Variants in CERS6 observed in about 807,000 individuals in gnomAD.
CERS6 encodes ceramide synthase 6.
In CERS6, 26 loss-of-function variants were observed where a neutral mutation model predicts 56.8. The ratio of observed to expected loss-of-function variants is 0.46; its 90% CI spans 0.34 to 0.63. CERS6 has a LOEUF of 0.63. Ranked by LOEUF, CERS6 falls within the 30% of genes least tolerant of loss-of-function variation. The pLI, the probability that CERS6 is intolerant of heterozygous loss-of-function variation, is 0.01. For missense variants in CERS6, 415 were observed against 467.5 expected (o/e 0.89, Z 1.04); for synonymous variants, 164 against 173.3 (o/e 0.95, Z 0.42).
intron 3 of CERS6, among the ~76,000 whole-genome samples, chr2:168,620,328 T>G (rs1043016476): frequency 2.6e-5 from 4 of 152,048 alleles, no homozygotes; most frequent in Non-Finnish European, 5.9e-5. Flanking sequence ...CAGTGTATAC[T>G]GCTTGGGTGA....
intron 1 of CERS6, among the ~76,000 whole-genome samples, chr2:168,506,086 C>G (rs1246019125): frequency 1.3e-5 from 2 of 152,144 alleles, no homozygotes; most frequent in Admixed American, 6.6e-5. Context: ...GAGAGGCGAT[C>G]AGATATGGAT....
intron 3 of CERS6, among the ~76,000 whole-genome samples, chr2:168,618,205 C>G (rs920713924): frequency 2.0e-5 from 3 of 152,088 alleles, no homozygotes; most frequent in Non-Finnish European, 4.4e-5. Flanking sequence ...AAACCCTTAG[C>G]AAAATTGGCA....
At chr2:168,635,148 T>C (rs1000740830) in intron 4 of CERS6, among the ~76,000 whole-genome samples, 45 of 152,214 alleles carry the variant, frequency 3.0e-4, no homozygotes, top group African/African-American at 1.1e-3. Flanking sequence ...CACTGAGGTA[T>C]AGTGGAGGTA....
intron 8 of CERS6, among the ~76,000 whole-genome samples, chr2:168,744,130 T>G (rs954614633): frequency 2.7e-4 from 40 of 150,272 alleles, no homozygotes; most frequent in South Asian, 2.1e-4. Flanking sequence ...CTCAGCCTCC[T>G]GAGTAGCTGG....
At chr2:168,565,661 G>T (rs79880845) in intron 3 of CERS6, among the ~76,000 whole-genome samples, 4,843 of 152,250 alleles carry the variant, frequency 0.032, 213 homozygotes, top group African/African-American at 0.099. Context: ...CCAATTTCTG[G>T]CACACACATT....
chr2:168,520,113 A>C (rs1326053444), intron 1 of CERS6, among the ~76,000 whole-genome samples: 2 of 152,158 alleles, frequency 1.3e-5, no homozygotes, highest in Non-Finnish European at 2.9e-5. Context: ...ATTTTTTAAT[A>C]ATAGCCATTG....
chr2:168,606,445 A>T (rs1181659330), intron 3 of CERS6: 1 of 152,136 alleles, frequency 6.6e-6, no homozygotes, highest in Non-Finnish European at 1.5e-5. Context: ...GGGCCATGCT[A>T]ATGTTCTCTG....
intron 4 of CERS6, among the ~76,000 whole-genome samples, chr2:168,654,400 G>T (rs1163505702): frequency 2.6e-5 from 4 of 152,002 alleles, no homozygotes; most frequent in Admixed American, 2.0e-4. Flanking sequence ...AATTTTAGCT[G>T]GGCATGGTAG....
At chr2:168,726,013 C>T (rs1196976455) in intron 8 of CERS6, among the ~76,000 whole-genome samples, 1 of 152,182 alleles carries the variant, frequency 6.6e-6, no homozygotes, top group Non-Finnish European at 1.5e-5. Context: ...CTAACAATTT[C>T]CCGTAAAAGC....
In CERS6 at chr2:168,464,499, C is replaced by A. The variant is rs536651736; in HGVS notation, c.170+7881C>A. On this transcript the variant is annotated intron_variant, in intron 1 of 9. Coordinates refer to ENST00000305747, the MANE Select transcript of CERS6 (RefSeq NM_203463.3). ...TTTATTTCTTCCTCCCGACTCTTCC[C>A]CACATGCTAAGTCACTATCATCAGG... is the stretch of plus-strand genomic sequence containing the variant. 3.3e-5 allele frequency among the ~76,000 whole-genome samples: 5 copies of A among 152,146 alleles called. No individual in the cohort carries two copies. In the South Asian group the frequency reaches 1.0e-3, roughly 32 times the overall value.
intron 6 of CERS6, among the ~76,000 whole-genome samples, chr2:168,705,299 C>T (rs116666086): frequency 3.3e-5 from 5 of 152,112 alleles, no homozygotes; most frequent in African/African-American, 2.4e-5. Flanking sequence ...AATAGGAATT[C>T]ACCAGGTAGT....
intron 4 of CERS6, among the ~76,000 whole-genome samples, chr2:168,646,831 A>G (rs140349886): frequency 4.8e-4 from 73 of 152,214 alleles, no homozygotes; most frequent in Non-Finnish European, 8.7e-4. Context: ...GTCAAAGATC[A>G]GATGGTCGTA....
At chr2:168,494,317 G>A (rs1324174828) in intron 1 of CERS6, among the ~76,000 whole-genome samples, 1 of 152,132 alleles carries the variant, frequency 6.6e-6, no homozygotes, top group Non-Finnish European at 1.5e-5. Flanking sequence ...TTAAGAGCCC[G>A]AACTCTGGAC....
chr2:168,550,078 G>A (rs1695538899), intron 2 of CERS6, among the ~76,000 whole-genome samples: 1 of 152,106 alleles, frequency 6.6e-6, no homozygotes, highest in African/African-American at 2.4e-5. Context: ...GGGACCCCTT[G>A]TTCAAAAAGC....
intron 3 of CERS6, among the ~76,000 whole-genome samples, chr2:168,624,306 A>T (rs541954544): frequency 6.6e-6 from 1 of 152,266 alleles, no homozygotes; most frequent in South Asian, 2.1e-4. Flanking sequence ...AATGGTATTT[A>T]TAGTCAAAAT....
At chr2:168,697,061 T>C (rs1362960545) in intron 6 of CERS6, among the ~76,000 whole-genome samples, 1 of 152,202 alleles carries the variant, frequency 6.6e-6, no homozygotes, top group Non-Finnish European at 1.5e-5. Flanking sequence ...GAAAAGCGTT[T>C]AGGAGTCTGT....
intron 8 of CERS6, among the ~76,000 whole-genome samples, chr2:168,722,682 C>T (rs1033032619): frequency 3.3e-5 from 5 of 152,308 alleles, no homozygotes; most frequent in African/African-American, 1.2e-4. Flanking sequence ...GGCCTGCTTC[C>T]TAAGTTGACT....
At chr2:168,759,897 G>GTT (rs909749756) in intron 8 of CERS6, among the ~76,000 whole-genome samples, 1 of 149,666 alleles carries the variant, frequency 6.7e-6, no homozygotes, top group African/African-American at 2.5e-5. Context: ...CGTTGTGTGT[G>GTT]TTTTTTTTTG....
chr2:168,473,750 A>C (rs75139027), intron 1 of CERS6, among the ~76,000 whole-genome samples: 8,386 of 152,292 alleles, frequency 0.055, 336 homozygotes, highest in East Asian at 0.18. Flanking sequence ...ATAAAAAAAC[A>C]CACAGCCAGT....
Sources: gnomAD v4.1 joint callset for allele counts (sites outside exome capture counted in the v4.1 genomes callset) on GRCh38, gnomAD v4.1.1 for gene constraint, MANE v1.5 for transcripts, NCBI Gene and HGNC (gene_info 2026-07-23, HGNC 2026-07-21) for gene names.